EGFL7: variants seen among roughly 807,000 people sequenced by gnomAD.
EGFL7 encodes epidermal growth factor-like protein 7.
In EGFL7, 48 loss-of-function variants were observed where a neutral mutation model predicts 37.1. The observed-to-expected ratio is 1.29, with a 90% CI of 1.03 to 1.65. The LOEUF is 1.65. EGFL7 is among the 40% of genes most tolerant of loss of function. The pLI is 0.00. For missense variants in EGFL7, 384 were observed against 378.9 expected (o/e 1.01, Z -0.11); for synonymous variants, 180 against 156.8 (o/e 1.15, Z -1.10).
chr9:136,672,168 C>T (rs1468236082), intron 10 of EGFL7, 80 bp downstream of exon 10: 27 of 1,595,300 alleles, frequency 1.7e-5, no homozygotes, highest in Middle Eastern at 1.7e-4. Flanking sequence ...GCTTGGGGGT[C>T]GGGGGCGACC....
chr9:136,665,776 G>T (rs1346150673), intron 3 of EGFL7: 1 of 146,484 alleles, frequency 6.8e-6, no homozygotes, highest in South Asian at 1.9e-4. Flanking sequence ...GCGCGGGCTC[G>T]GGCGGCAGTG....
At chr9:136,670,035 C>G (rs759099456) in intron 7 of EGFL7, 26 bp downstream of exon 7, 33 of 1,585,554 alleles carry the variant, frequency 2.1e-5, no homozygotes, top group Non-Finnish European at 2.3e-5. Flanking sequence ...CCCTGGGGGG[C>G]CCTGGAAGGG....
rs1845502195 is a variant in EGFL7, at chr9:136,666,723, G to T, written c.-42-1518G>T. Among the ~76,000 whole-genome samples, 2 of 151,894 alleles carry T rather than the reference G, an allele frequency of 1.3e-5. No homozygotes were observed. The highest frequency in any genetic ancestry group is 2.4e-5 in the African/African-American group (1 of 41,316). ...GGCATCCCCCTGCCCACATCAAGCC[G>T]CCGGGCCGCTGCCCTACCTCTTCCT... On this transcript the variant is annotated intron_variant, in intron 3 of 10. Transcript: ENST00000308874. This position sits in a 1 kb window ranked among gnomAD's most constrained non-coding sequence, Gnocchi z 6.8.
intron 5 of EGFL7, among the ~76,000 whole-genome samples, 186 bp downstream of exon 5, chr9:136,668,859 C>T (rs1845654239): frequency 6.6e-6 from 1 of 152,134 alleles, no homozygotes; most frequent in African/African-American, 2.4e-5. Flanking sequence ...CCACGATCAC[C>T]TCCAGTGTCC....
At chr9:136,661,808 G>A (rs1384692429), upstream of EGFL7, among the ~76,000 whole-genome samples, 1 of 152,220 alleles carries the variant, frequency 6.6e-6, no homozygotes, top group Non-Finnish European at 1.5e-5. Flanking sequence ...GCCCAGCTGA[G>A]TGGGGCTGGA....
At chr9:136,670,056 C>T (rs1845743757) in intron 7 of EGFL7, 47 bp downstream of exon 7, 7 of 1,590,788 alleles carry the variant, frequency 4.4e-6, no homozygotes, top group Non-Finnish European at 6.0e-6. Flanking sequence ...TCCTGGGCAC[C>T]TCCTTGCATG....
In EGFL7 at chr9:136,670,337, A is replaced by G. The variant is rs367703251; in HGVS notation, c.571+7A>G. 9 of 1,554,262 alleles carry G rather than the reference A, an allele frequency of 5.8e-6. No individual in the cohort carries two copies. In the East Asian group the frequency reaches 1.2e-4, roughly 21 times the overall value. On this transcript the variant is annotated splice_region_variant and intron_variant, in intron 8 of 10. Transcript: ENST00000308874. ...GTGGCCCCCAACCCGACAGGTAAACAGCCCTGGCTGTGCCTGGCCTGGGGA... is the reference window on the plus strand; with the variant it reads ...GTGGCCCCCAACCCGACAGGTAAACGGCCCTGGCTGTGCCTGGCCTGGGGA...
chr9:136,662,011 C>T (rs1845175969), upstream of EGFL7, among the ~76,000 whole-genome samples: 1 of 152,188 alleles, frequency 6.6e-6, no homozygotes, highest in Admixed American at 6.5e-5. Flanking sequence ...CCCCTCCCAC[C>T]CAGCCCACCT....
rs1845607665 is a variant in EGFL7, at chr9:136,668,335, G to T, written c.53G>T (p.Gly18Val). The change falls in exon 4 of 11, where the codon GGC (glycine) becomes GTC (valine). Residue 18 changes from glycine to valine, a missense_variant. Gly to Val is a moderately radical substitution (Grantham distance 109, BLOSUM62 -3). Transcript: ENST00000308874. ...ATGTGGCTTCTGGTGTTGGCAGTGG[G>T]CGGCACAGAGCACGCCTACCGGCCC... The part of the protein sequence containing the change: ...LLMWLLVLAV[G>V]GTEHAYRPGR... The T allele has an allele frequency of 1.2e-6, 2 of 1,606,418 alleles. No individual in the cohort carries two copies. Among genetic ancestry groups the T allele is most frequent in the African/African-American group, 2.7e-5 (2 of 74,936 alleles).
At chr9:136,665,275 G>A (rs1270186050) in intron 3 of EGFL7, among the ~76,000 whole-genome samples, 1 of 152,232 alleles carries the variant, frequency 6.6e-6, no homozygotes, top group East Asian at 1.9e-4. Context: ...AGGAGATCTG[G>A]GTCTCTGGGC....
At chr9:136,664,213 G>T (rs1845320899) in intron 2 of EGFL7, among the ~76,000 whole-genome samples, 1 of 152,192 alleles carries the variant, frequency 6.6e-6, no homozygotes, top group Admixed American at 6.5e-5. Flanking sequence ...CACGTGCCAG[G>T]GGCTTCCAGG....
chr9:136,662,497 T>C (rs1377665055), upstream of EGFL7, among the ~76,000 whole-genome samples: 1 of 151,418 alleles, frequency 6.6e-6, no homozygotes, highest in Non-Finnish European at 1.5e-5. Context: ...TCCCGTGCTG[T>C]GTCACACACA....
rs2297535 is a variant in EGFL7, at chr9:136,668,692, C to T, written c.197+19C>T. 20 of 1,585,506 alleles carry T rather than the reference C, an allele frequency of 1.3e-5. No individual in the cohort carries two copies. The highest frequency in any genetic ancestry group is 6.6e-5 in the South Asian group (6 of 90,758). ...CCTACCGGTGAGTGCCCCACCACAC[C>T]GAGCTCACCCAGCCCCAGCCTCCCA... is the stretch of plus-strand genomic sequence containing the variant. On this transcript the variant is annotated intron_variant, in intron 5 of 10. Coordinates refer to ENST00000308874, the MANE Select transcript of EGFL7 (RefSeq NM_016215.5).
chr9:136,672,237 T>G, intron 10 of EGFL7, 27 bp from the exon 11 acceptor site: 1 of 1,613,330 alleles, frequency 6.2e-7, no homozygotes, highest in Non-Finnish European at 8.5e-7. Flanking sequence ...AGCAGTGATC[T>G]CTGACCTTCG....
intron 3 of EGFL7, among the ~76,000 whole-genome samples, 152 bp from the exon 4 acceptor site, chr9:136,668,089 C>T (rs1477287378): frequency 1.3e-5 from 2 of 152,120 alleles, no homozygotes; most frequent in African/African-American, 2.4e-5. Context: ...AGGGGGCCAG[C>T]GGAGGAGAGA....
At chr9:136,664,203 C>T (rs559842928) in intron 2 of EGFL7, among the ~76,000 whole-genome samples, 2 of 152,330 alleles carry the variant, frequency 1.3e-5, no homozygotes, top group East Asian at 3.9e-4. Flanking sequence ...TCCCTTGGAC[C>T]ACGTGCCAGG....
Position 136,672,390 on chromosome 9 carries a change from G to A in EGFL7, c.*104G>A. ...CCAGAAACCACCTCGGGGTGACTGAGCGGAAGGCCAGGCAGGGCCTTCCTC... is the reference window on the plus strand; with the variant it reads ...CCAGAAACCACCTCGGGGTGACTGAACGGAAGGCCAGGCAGGGCCTTCCTC... On this transcript the variant is annotated 3_prime_UTR_variant, in exon 11 of 11. Coordinates refer to ENST00000308874, the MANE Select transcript of EGFL7 (RefSeq NM_016215.5). The A allele has an allele frequency of 1.4e-6, 2 of 1,472,822 alleles. No homozygotes were observed. The highest frequency in any genetic ancestry group is 1.1e-5 in the South Asian group (1 of 87,444). The allele number at this position is 1,472,822 out of a possible 1,614,324, so 91.2% of individuals were successfully genotyped here.
intron 3 of EGFL7, among the ~76,000 whole-genome samples, chr9:136,665,498 C>T (rs1339936017): frequency 6.6e-6 from 1 of 152,200 alleles, no homozygotes; most frequent in African/African-American, 2.4e-5. Context: ...TCCTGGCGGC[C>T]GGGCTTGGTC....
Position 136,666,309 on chromosome 9 carries a change from T to G in EGFL7, c.-43+1524T>G, listed in dbSNP as rs1292651609. 6.7e-6 allele frequency among the ~76,000 whole-genome samples: 1 copy of G among 148,554 alleles called. No homozygotes were observed. The highest frequency in any genetic ancestry group is 1.5e-5 in the Non-Finnish European group (1 of 66,922). On this transcript the variant is annotated intron_variant, in intron 3 of 10. Transcript: ENST00000308874. The surrounding 1 kb of genome is among the most constrained non-coding windows in gnomAD (Gnocchi z 6.8). ...CCGCCGCGAGGGGTCCGCCAGTGCC[T>G]GCGGCGCAGCCAGGCCCCTCCCTCT...
Sources: allele counts gnomAD v4.1 joint callset (sites outside exome capture counted in the v4.1 genomes callset), GRCh38; gene constraint gnomAD v4.1.1; non-coding constraint Gnocchi (gnomAD v3.1); transcripts MANE v1.5; gene names NCBI Gene and HGNC (gene_info 2026-07-23, HGNC 2026-07-21).